Variants in UFM1 observed in about 807,000 individuals in gnomAD.
The protein encoded by UFM1 is ubiquitin fold modifier 1, also known as ubiquitin-fold modifier 1.
UFM1 carries 9 observed loss-of-function variants against 15.4 expected under a neutral mutation model. The ratio of observed to expected loss-of-function variants is 0.59; its 90% CI spans 0.35 to 1.02. The LOEUF is 1.02. UFM1 is among the 50% of genes least tolerant of loss of function. The pLI, the probability that UFM1 is intolerant of heterozygous loss-of-function variation, is 0.02. For synonymous variants in UFM1, 27 were observed against 36.3 expected (o/e 0.74, Z 0.92); for missense variants, 98 against 104.7 (o/e 0.94, Z 0.28).
At chr13:38,353,115 G>T (rs1172732963) in intron 2 of UFM1, among the ~76,000 whole-genome samples, 1 of 152,134 alleles carries the variant, frequency 6.6e-6, no homozygotes, top group African/African-American at 2.4e-5. Context: ...TTTTGGAGTT[G>T]TGGAATGAGG....
chr13:38,350,214 G>GCT lies in UFM1; in HGVS notation c.59+160_59+161insTC. 1.9e-6 allele frequency: 3 copies of GCT among 1,611,372 alleles called. No homozygotes were observed. In the South Asian group the frequency reaches 3.3e-5, roughly 18 times the overall value. On this transcript the variant is annotated intron_variant, in intron 2 of 5. Coordinates refer to ENST00000239878, the MANE Select transcript of UFM1 (RefSeq NM_016617.4). ...CCTTCCAGGAGCCTTTCCCACCGGA[G>GCT]CCTGCGAGGAGAGGTCCGTACTTGC... is the stretch of plus-strand genomic sequence containing the variant.
intron 2 of UFM1, among the ~76,000 whole-genome samples, chr13:38,353,394 A>G (rs764438407): frequency 3.3e-5 from 5 of 152,064 alleles, no homozygotes; most frequent in Non-Finnish European, 7.4e-5. Context: ...AATTTATGTT[A>G]CCTTAGGGAT....
At chr13:38,359,442 C>A in intron 5 of UFM1, 109 bp downstream of exon 5, 1 of 1,280,018 alleles carries the variant, frequency 7.8e-7, no homozygotes, top group Non-Finnish European at 1.1e-6. Flanking sequence ...CATAATGGAG[C>A]TGTTTTTTAG....
Position 38,362,496 on chromosome 13 carries a change from G to T in UFM1, c.*1718G>T, listed in dbSNP as rs1483861339. The T allele has an allele frequency of 7.0e-6, 1 of 143,648 alleles. No individual in the cohort carries two copies. Among genetic ancestry groups the T allele is most frequent in the African/African-American group, 2.5e-5 (1 of 39,716 alleles). The allele number at this position is 143,648 out of a possible 1,614,324, so 8.9% of individuals were successfully genotyped here. A position where few individuals can be genotyped will look rare whatever the true frequency, so the allele number is the denominator to read the frequency against. Reference sequence around the variant, plus strand: ...TTTTTTTTTTTGAGGCAGACTCTCTGTCGCCAGGCTTCTCCTGCCTCAGCC... The same window carrying T: ...TTTTTTTTTTTGAGGCAGACTCTCTTTCGCCAGGCTTCTCCTGCCTCAGCC... On this transcript the variant is annotated 3_prime_UTR_variant, in exon 6 of 6. Transcript: ENST00000239878.
At chr13:38,351,825 G>C (rs1878866902) in intron 2 of UFM1, among the ~76,000 whole-genome samples, 1 of 152,156 alleles carries the variant, frequency 6.6e-6, no homozygotes, top group Admixed American at 6.5e-5. Flanking sequence ...TGTTTAGTAT[G>C]TATGTGTGCG....
At chr13:38,353,818 T>A (rs1878968482) in intron 2 of UFM1, among the ~76,000 whole-genome samples, 1 of 152,102 alleles carries the variant, frequency 6.6e-6, no homozygotes, top group Admixed American at 6.6e-5. Flanking sequence ...AGCCTTCTAC[T>A]TATAATGAAA....
intron 2 of UFM1, among the ~76,000 whole-genome samples, chr13:38,352,720 G>T (rs773026230): frequency 5.3e-5 from 8 of 152,020 alleles, no homozygotes; most frequent in East Asian, 1.9e-4. Context: ...TTTCATTTTT[G>T]ATTTGTTTTT....
At chr13:38,359,173 T>TG in intron 4 of UFM1, 128 bp from the exon 5 acceptor site, 1 of 664,348 alleles carries the variant, frequency 1.5e-6, no homozygotes, top group South Asian at 2.1e-5. Flanking sequence ...CTCGTGTTCT[T>TG]GGATTTAAAG....
At chr13:38,350,486 G>C (rs1878789974) in intron 2 of UFM1, among the ~76,000 whole-genome samples, 1 of 152,200 alleles carries the variant, frequency 6.6e-6, no homozygotes, top group African/African-American at 2.4e-5. Flanking sequence ...TCAAGACTTT[G>C]AAATTACTTG....
chr13:38,358,537 T>G (rs1879228316), intron 4 of UFM1, among the ~76,000 whole-genome samples: 1 of 151,972 alleles, frequency 6.6e-6, no homozygotes, highest in Non-Finnish European at 1.5e-5. Flanking sequence ...AATGAGAATT[T>G]TATTCCGTTT....
chr13:38,349,891 G>A lies in UFM1; in HGVS notation c.-29G>A. On this transcript the variant is annotated 5_prime_UTR_variant, in exon 1 of 6. It adds an upstream start codon to the 5' untranslated region. Coordinates refer to ENST00000239878, the MANE Select transcript of UFM1 (RefSeq NM_016617.4). Reference sequence around the variant, plus strand: ...GTCGTGCTACCCCCGCGGAGTTGTCGTGTGTTCTGGATTCATTCCGGCACC... The same window carrying A: ...GTCGTGCTACCCCCGCGGAGTTGTCATGTGTTCTGGATTCATTCCGGCACC... 6.2e-7 allele frequency: 1 copy of A among 1,614,116 alleles called. No individual in the cohort carries two copies. Among genetic ancestry groups the A allele is most frequent in the East Asian group, 2.2e-5 (1 of 44,862 alleles).
Position 38,361,395 on chromosome 13 carries a change from C to T in UFM1, c.*617C>T, listed in dbSNP as rs1411833582. 1.3e-5 allele frequency: 2 copies of T among 152,008 alleles called. No homozygotes were observed. The highest frequency in any genetic ancestry group is 2.4e-5 in the African/African-American group (1 of 41,366). The allele number at this position is 152,008 out of a possible 1,614,324, so 9.4% of individuals were successfully genotyped here. A position where few individuals can be genotyped will look rare whatever the true frequency, so the allele number is the denominator to read the frequency against. ...AACCCTTATGTGTATAAATTGGTGT[C>T]CCATACCAGCTTTTAATGGTGGACC... On this transcript the variant is annotated 3_prime_UTR_variant, in exon 6 of 6. Coordinates refer to ENST00000239878, the MANE Select transcript of UFM1 (RefSeq NM_016617.4).
chr13:38,352,261 C>G (rs1173623913), intron 2 of UFM1, among the ~76,000 whole-genome samples: 1 of 151,986 alleles, frequency 6.6e-6, no homozygotes, highest in Non-Finnish European at 1.5e-5. Flanking sequence ...CCTTGCCCAG[C>G]TAATTTTTTG....
chr13:38,352,186 G>A (rs151241406), intron 2 of UFM1, among the ~76,000 whole-genome samples: 110 of 144,526 alleles, frequency 7.6e-4, no homozygotes, highest in African/African-American at 1.8e-3. Flanking sequence ...TCACTGCAAC[G>A]CCCGCCTTCC....
intron 5 of UFM1, chr13:38,360,142 T>C: frequency 3.4e-6 from 1 of 297,454 alleles, no homozygotes; most frequent in South Asian, 2.9e-5. Flanking sequence ...TTAAAAAGGT[T>C]TATTGAAAAT....
Position 38,353,788 on chromosome 13 carries a change from T to C in UFM1, c.60-451T>C, listed in dbSNP as rs565454450. Among the ~76,000 whole-genome samples the C allele has an allele frequency of 2.0e-5, 3 of 152,222 alleles. No homozygotes were observed. In the South Asian group the frequency reaches 6.2e-4, roughly 32 times the overall value. ...AGAAGGTTCATCAAAAGCTTTATGA[T>C]CCAGTGATGCTTCCCAAGTAGCCTT... On this transcript the variant is annotated intron_variant, in intron 2 of 5. Coordinates refer to ENST00000239878, the MANE Select transcript of UFM1 (RefSeq NM_016617.4).
chr13:38,349,867 T>C lies in UFM1; in HGVS notation c.-53T>C, dbSNP rs1302369245. ...GCGGTCCCCAGCACACTAGAGGAAGTCGTGCTACCCCCGCGGAGTTGTCGT... is the reference window on the plus strand; with the variant it reads ...GCGGTCCCCAGCACACTAGAGGAAGCCGTGCTACCCCCGCGGAGTTGTCGT... On this transcript the variant is annotated 5_prime_UTR_variant, in exon 1 of 6. Transcript: ENST00000239878. 1.2e-6 allele frequency: 2 copies of C among 1,613,924 alleles called. No individual in the cohort carries two copies. Among genetic ancestry groups the C allele is most frequent in the African/African-American group, 2.7e-5 (2 of 74,894 alleles).
intron 3 of UFM1, among the ~76,000 whole-genome samples, chr13:38,355,688 A>G (rs1415679961): frequency 6.6e-6 from 1 of 151,922 alleles, no homozygotes; most frequent in East Asian, 1.9e-4. Context: ...GCTACAGAAA[A>G]GAAAATATTA....
chr13:38,362,145 TTG>T lies in UFM1; in HGVS notation c.*1371_*1372del, dbSNP rs901256026. On this transcript the variant is annotated 3_prime_UTR_variant, in exon 6 of 6. Coordinates refer to ENST00000239878, the MANE Select transcript of UFM1 (RefSeq NM_016617.4). ...GAATGGTGAACTCTGGAAGCAGGGATTGTGTCTGGCTCTTTTTAGAGCTGGAA... is the reference window on the plus strand; with the variant it reads ...GAATGGTGAACTCTGGAAGCAGGGATTGTCTGGCTCTTTTTAGAGCTGGAA... 1.2e-4 allele frequency: 19 copies of T among 152,280 alleles called. No homozygotes were observed. Among genetic ancestry groups the T allele is most frequent in the African/African-American group, 4.1e-4 (17 of 41,572 alleles). 9.4% of individuals were successfully genotyped at this position (152,280 alleles called of 1,614,324 possible).
Sources: gnomAD v4.1 joint callset for allele counts (sites outside exome capture counted in the v4.1 genomes callset) on GRCh38, gnomAD v4.1.1 for gene constraint, MANE v1.5 for transcripts, NCBI Gene and HGNC (gene_info 2026-07-23, HGNC 2026-07-21) for gene names.